Variants in PHTF1 observed in about 807,000 individuals in gnomAD.
The protein encoded by PHTF1 is protein PHTF1.
Under a neutral mutation model 102.4 loss-of-function variants are expected in PHTF1, and 88 were observed. That is an observed-to-expected ratio of 0.86 (90% CI 0.72 to 1.03). The LOEUF (loss-of-function observed/expected upper bound fraction) is 1.03, where lower values mean the gene tolerates loss of function less well. Ranked by LOEUF, PHTF1 falls within the 50% of genes least tolerant of loss-of-function variation. The pLI, the probability that PHTF1 is intolerant of heterozygous loss-of-function variation, is 0.00. For missense variants in PHTF1, 814 were observed against 909.5 expected (o/e 0.89, Z 1.35); for synonymous variants, 289 against 305.2 (o/e 0.95, Z 0.55).
rs1648877091 is a variant in PHTF1 at position 113,696,872 on chromosome 1, A to C, written c.*833T>G. On this transcript the variant is annotated 3_prime_UTR_variant, in exon 19 of 19. Transcript: ENST00000369604. The stretch of plus-strand genomic sequence containing the variant: ...GAGGGTTTAATACATTAAGTTGCAC[A>C]ACTGATAAACTATCAATGATGCTTG... 6.6e-6 allele frequency: 1 copy of C among 152,190 alleles called. No homozygotes were observed. Among genetic ancestry groups the C allele is most frequent in the Admixed American group, 6.5e-5 (1 of 15,280 alleles). 9.4% of individuals were successfully genotyped at this position (152,190 alleles called of 1,614,324 possible). A position where few individuals can be genotyped will look rare whatever the true frequency, so the allele number is the denominator to read the frequency against.
chr1:113,718,556 G>A (rs1213735460), intron 7 of PHTF1, among the ~76,000 whole-genome samples: 1 of 152,230 alleles, frequency 6.6e-6, no homozygotes, highest in African/African-American at 2.4e-5. Flanking sequence ...GGTTCTCCAT[G>A]AGTGCCCTGC....
rs549667549 is a variant in PHTF1 at position 113,708,803 on chromosome 1, A to G, written c.1269+1451T>C. ...ACTCAATTATTCTTATATATGTCTTAAAATTATACTGCAAATCTCAAAGGA... is the reference window on the plus strand; with the variant it reads ...ACTCAATTATTCTTATATATGTCTTGAAATTATACTGCAAATCTCAAAGGA... On this transcript the variant is annotated intron_variant, in intron 11 of 18. Coordinates refer to ENST00000369604, the MANE Select transcript of PHTF1 (RefSeq NM_001323043.2). Among the ~76,000 whole-genome samples, 3 of 152,332 alleles carry G rather than the reference A, an allele frequency of 2.0e-5. No individual in the cohort carries two copies. The South Asian group carries it at 6.2e-4, about 32-fold the overall frequency.
At position 113,741,842 on chromosome 1, in the gene PHTF1, T is replaced by A. The variant is rs561641772; in HGVS notation, c.103-3043A>T. Among the ~76,000 whole-genome samples the A allele has an allele frequency of 2.3e-4, 35 of 152,260 alleles. 2 individuals are homozygous for A. The South Asian group carries it at 7.2e-3, about 31-fold the overall frequency. ...ACAAGGGTTTCTCAGGAAAATACCCTCTGAATCTCCCCATTTTTTTATTTC... is the reference window on the plus strand; with the variant it reads ...ACAAGGGTTTCTCAGGAAAATACCCACTGAATCTCCCCATTTTTTTATTTC... On this transcript the variant is annotated intron_variant, in intron 3 of 18. Transcript: ENST00000369604.
chr1:113,758,514 C>CTTTTTTTT (rs200794989), intron 2 of PHTF1, 145 bp downstream of exon 2: 1 of 315,816 alleles, frequency 3.2e-6, no homozygotes. Context: ...CCTTGTACAT[C>CTTTTTTTT]TTTTTTTTTT....
chr1:113,698,638 C>T (rs1317174547), intron 17 of PHTF1, among the ~76,000 whole-genome samples: 1 of 151,226 alleles, frequency 6.6e-6, no homozygotes, highest in African/African-American at 2.4e-5. Flanking sequence ...CACACACACA[C>T]ACACACACAC....
chr1:113,746,477 T>C (rs1193580951), intron 3 of PHTF1, among the ~76,000 whole-genome samples: 1 of 152,196 alleles, frequency 6.6e-6, no homozygotes, highest in South Asian at 2.1e-4. Context: ...GCAACTCACA[T>C]GACAGTAAGT....
intron 3 of PHTF1, among the ~76,000 whole-genome samples, chr1:113,745,595 A>G (rs1167609106): frequency 7.2e-5 from 11 of 152,158 alleles, no homozygotes; most frequent in Non-Finnish European, 1.6e-4. Flanking sequence ...GGGAAGCTTT[A>G]TCTGTATTTA....
At chr1:113,758,945 G>C in intron 1 of PHTF1, 78 bp downstream of exon 1, 4 of 1,166,792 alleles carry the variant, frequency 3.4e-6, no homozygotes, top group Non-Finnish European at 4.2e-6. Context: ...CGTGTTCGTG[G>C]GTGCGGGGGA....
chr1:113,701,658 A>T (rs970254844), intron 15 of PHTF1, among the ~76,000 whole-genome samples: 1 of 151,842 alleles, frequency 6.6e-6, no homozygotes, highest in Admixed American at 6.6e-5. Flanking sequence ...CCATTGCCTT[A>T]CAAGACCTTT....
chr1:113,734,145 C>T (rs535686679), intron 5 of PHTF1, among the ~76,000 whole-genome samples: 6 of 152,008 alleles, frequency 3.9e-5, no homozygotes, highest in South Asian at 2.1e-4. Context: ...CTGTAATCCC[C>T]GCTACTCAGG....
chr1:113,698,152 AACACAC>A (rs59861045), intron 18 of PHTF1, 104 bp downstream of exon 18: 140,208 of 544,942 alleles, frequency 0.26, 11,825 homozygotes, highest in African/African-American at 0.49. Flanking sequence ...GCATGCTAGA[AACACAC>A]ACACACACAC....
intron 3 of PHTF1, among the ~76,000 whole-genome samples, chr1:113,748,509 C>T (rs887789441): frequency 2.0e-5 from 3 of 151,728 alleles, no homozygotes; most frequent in Non-Finnish European, 2.9e-5. Context: ...CTAACTTTTC[C>T]ACTGAATTTA....
intron 10 of PHTF1, 43 bp from the exon 11 acceptor site, chr1:113,710,518 A>G: frequency 7.0e-7 from 1 of 1,422,376 alleles, no homozygotes; most frequent in Non-Finnish European, 9.9e-7. Flanking sequence ...TTCATCTTTA[A>G]AAATAATTAC....
At chr1:113,707,509 C>T (rs1023494853) in intron 11 of PHTF1, among the ~76,000 whole-genome samples, 4 of 152,150 alleles carry the variant, frequency 2.6e-5, no homozygotes, top group Non-Finnish European at 1.5e-5. Flanking sequence ...TTATATGGTG[C>T]TTTTATGTTG....
At chr1:113,753,180 G>A (rs1658340955) in intron 3 of PHTF1, among the ~76,000 whole-genome samples, 1 of 152,102 alleles carries the variant, frequency 6.6e-6, no homozygotes, top group African/African-American at 2.4e-5. Context: ...TTAATATCTT[G>A]TTAAAGATTT....
intron 3 of PHTF1, among the ~76,000 whole-genome samples, chr1:113,756,097 CT>C (rs1263086957): frequency 6.7e-6 from 1 of 149,462 alleles, no homozygotes; most frequent in African/African-American, 2.5e-5. Context: ...TGAAGGAAAT[CT>C]TTAAATTGGC....
chr1:113,757,027 C>T (rs927058623), intron 3 of PHTF1, among the ~76,000 whole-genome samples: 25 of 151,980 alleles, frequency 1.6e-4, no homozygotes, highest in African/African-American at 5.8e-4. Context: ...ATTAGCCGGG[C>T]GTGGTGGTGG....
At chr1:113,704,329 G>A (rs966786630) in intron 14 of PHTF1, among the ~76,000 whole-genome samples, 162 bp from the exon 15 acceptor site, 1 of 152,168 alleles carries the variant, frequency 6.6e-6, no homozygotes, top group Non-Finnish European at 1.5e-5. Flanking sequence ...TCAACTTTAA[G>A]TACTGAAATC....
chr1:113,721,707 TG>T (rs1652972701), intron 7 of PHTF1, among the ~76,000 whole-genome samples: 1 of 152,184 alleles, frequency 6.6e-6, no homozygotes, highest in African/African-American at 2.4e-5. Context: ...TTCTTTTTTT[TG>T]AGACAGAGTC....
Sources: gnomAD v4.1 joint callset for allele counts (sites outside exome capture counted in the v4.1 genomes callset) on GRCh38, gnomAD v4.1.1 for gene constraint, MANE v1.5 for transcripts, NCBI Gene and HGNC (gene_info 2026-07-23, HGNC 2026-07-21) for gene names.